Variants in GALNT17 observed in about 807,000 individuals in gnomAD.
GALNT17 encodes the protein polypeptide N-acetylgalactosaminyltransferase 17, also known as UDP-GalNAc:polypeptide N-acetylgalactosaminyltransferase-like 3.
GALNT17 carries 29 observed loss-of-function variants against 63.7 expected under a neutral mutation model. The ratio of observed to expected loss-of-function variants is 0.46; its 90% CI spans 0.34 to 0.62. GALNT17 has a LOEUF of 0.62. Among genes scored for constraint, GALNT17 ranks in the 20% least tolerant of loss-of-function variants. The pLI, the probability that GALNT17 is intolerant of heterozygous loss-of-function variation, is 0.01. For synonymous variants in GALNT17, 305 were observed against 318.3 expected, an observed-to-expected ratio of 0.96 and a Z score of 0.45; for missense variants, 603 against 799.6, an observed-to-expected ratio of 0.75 and a Z score of 2.97.
chr7:71,144,987 C>T lies in GALNT17; in HGVS notation c.238+11947C>T, dbSNP rs372479383. 1.6e-4 allele frequency among the ~76,000 whole-genome samples: 25 copies of T among 152,188 alleles called. No homozygotes were observed. In the East Asian group the frequency reaches 1.7e-3, roughly 11 times the overall value. ...TCGTGATTTGCCCACCTTGGCCTCC[C>T]AAAATGCTGGGAATACAGGTGTGAG... is the stretch of plus-strand genomic sequence containing the variant. On this transcript the variant is annotated intron_variant, in intron 1 of 10. Coordinates refer to ENST00000333538, the MANE Select transcript of GALNT17 (RefSeq NM_022479.3).
intron 4 of GALNT17, among the ~76,000 whole-genome samples, chr7:71,416,675 A>G (rs187810035): frequency 3.5e-4 from 54 of 152,220 alleles, no homozygotes; most frequent in Non-Finnish European, 7.4e-5. Context: ...ATCCTTGCAA[A>G]TGGTACAAGA....
intron 1 of GALNT17, among the ~76,000 whole-genome samples, chr7:71,328,648 ATTTTT>A (rs5884832): frequency 7.1e-6 from 1 of 140,520 alleles, no homozygotes. Flanking sequence ...AATACCAGTG[ATTTTT>A]TTTTTTTTTT....
At chr7:71,499,912 T>A (rs1334883313) in intron 5 of GALNT17, among the ~76,000 whole-genome samples, 1 of 152,224 alleles carries the variant, frequency 6.6e-6, no homozygotes, top group Non-Finnish European at 1.5e-5. Flanking sequence ...GATAGTGAGT[T>A]ATCACGAAAT....
intron 5 of GALNT17, among the ~76,000 whole-genome samples, chr7:71,455,604 G>A (rs1203941240): frequency 6.6e-6 from 1 of 151,712 alleles, no homozygotes; most frequent in African/African-American, 2.4e-5. Context: ...CGCTGTGCCA[G>A]ACCCCAGACC....
chr7:71,557,204 T>A (rs1282927203), intron 5 of GALNT17, among the ~76,000 whole-genome samples: 2 of 152,150 alleles, frequency 1.3e-5, no homozygotes, highest in Non-Finnish European at 2.9e-5. Context: ...AATTACTTTC[T>A]TTTCATTTTG....
chr7:71,387,620 C>T (rs887505028), intron 2 of GALNT17, among the ~76,000 whole-genome samples: 4 of 152,150 alleles, frequency 2.6e-5, no homozygotes, highest in Admixed American at 6.5e-5. Flanking sequence ...GGCACTGCAC[C>T]GTGTTCCGGG....
At chr7:71,367,857 G>A (rs760481729) in intron 2 of GALNT17, among the ~76,000 whole-genome samples, 2 of 152,216 alleles carry the variant, frequency 1.3e-5, no homozygotes, top group African/African-American at 2.4e-5. Flanking sequence ...TGTGGTCAAG[G>A]AAGTACCTTT....
chr7:71,571,537 G>A (rs892625062), intron 6 of GALNT17, 135 bp downstream of exon 6: 9 of 735,068 alleles, frequency 1.2e-5, no homozygotes, highest in Non-Finnish European at 2.1e-5. Context: ...TGTTCCTGGG[G>A]GATGCATGAG....
chr7:71,231,228 C>CT (rs1247678181), intron 1 of GALNT17, among the ~76,000 whole-genome samples: 1 of 149,158 alleles, frequency 6.7e-6, no homozygotes, highest in African/African-American at 2.5e-5. Flanking sequence ...GATATTTTTG[C>CT]TGTTTTTTTT....
intron 6 of GALNT17, among the ~76,000 whole-genome samples, chr7:71,617,674 G>A (rs927847635): frequency 1.3e-5 from 2 of 149,368 alleles, no homozygotes; most frequent in East Asian, 2.0e-4. Flanking sequence ...ATGGAATCTC[G>A]CTCTGTCACC....
At chr7:71,702,705 T>C (rs646628) in intron 9 of GALNT17, among the ~76,000 whole-genome samples, 148,838 of 152,260 alleles carry the variant, frequency 0.98, 72,815 homozygotes, top group Non-Finnish European at 1. Context: ...GGGAACCAGT[T>C]AGGAGGCCAT....
At chr7:71,142,998 T>C (rs892245223) in intron 1 of GALNT17, among the ~76,000 whole-genome samples, 7 of 150,748 alleles carry the variant, frequency 4.6e-5, no homozygotes, top group South Asian at 2.1e-4. Context: ...AGGCTTGAAC[T>C]GGTGCACGGT....
intron 1 of GALNT17, among the ~76,000 whole-genome samples, chr7:71,249,359 A>G (rs1370972948): frequency 6.6e-6 from 1 of 152,062 alleles, no homozygotes; most frequent in Non-Finnish European, 1.5e-5. Context: ...CATTTTACAG[A>G]TCTGTGATCT....
At chr7:71,586,789 G>A (rs529427609) in intron 6 of GALNT17, among the ~76,000 whole-genome samples, 27 of 151,638 alleles carry the variant, frequency 1.8e-4, no homozygotes, top group Admixed American at 1.4e-3. Flanking sequence ...AATTTAATAT[G>A]TTCATATAAT....
Position 71,712,203 on chromosome 7 carries a change from C to T in GALNT17, c.*57C>T. On this transcript the variant is annotated 3_prime_UTR_variant, in exon 11 of 11. Transcript: ENST00000333538. Reference sequence around the variant, plus strand: ...CCCAGGACATGGCTGCTCCCCCCAACATCTGGACCAGCTGCCCTGGCGGAG... The same window carrying T: ...CCCAGGACATGGCTGCTCCCCCCAATATCTGGACCAGCTGCCCTGGCGGAG... 2.5e-6 allele frequency: 4 copies of T among 1,577,008 alleles called. No homozygotes were observed. Among genetic ancestry groups the T allele is most frequent in the Non-Finnish European group, 3.4e-6 (4 of 1,162,132 alleles).
At chr7:71,663,016 G>GT (rs1475218147) in intron 6 of GALNT17, among the ~76,000 whole-genome samples, 45 of 152,310 alleles carry the variant, frequency 3.0e-4, no homozygotes, top group Admixed American at 8.5e-4. Flanking sequence ...GACCATAAGT[G>GT]TGAGAGTTTA....
rs1284788193 is a variant in GALNT17 at position 71,581,128 on chromosome 7, G to C, written c.1080+9726G>C. ...TAGCTGGTGGCAGGAGAGAGACCAAGCAAGGGAGGAAGGGCTAAACACTTT... is the reference window on the plus strand; with the variant it reads ...TAGCTGGTGGCAGGAGAGAGACCAACCAAGGGAGGAAGGGCTAAACACTTT... On this transcript the variant is annotated intron_variant, in intron 6 of 10. Coordinates refer to ENST00000333538, the MANE Select transcript of GALNT17 (RefSeq NM_022479.3). Among the ~76,000 whole-genome samples the C allele has an allele frequency of 4.6e-5, 7 of 152,228 alleles. No individual in the cohort carries two copies. In the East Asian group the frequency reaches 1.2e-3, roughly 25 times the overall value.
intron 2 of GALNT17, among the ~76,000 whole-genome samples, chr7:71,382,187 C>G (rs1360819698): frequency 6.6e-6 from 1 of 152,108 alleles, no homozygotes; most frequent in Non-Finnish European, 1.5e-5. Context: ...CAAGACCAGC[C>G]TGGACAACAT....
intron 1 of GALNT17, among the ~76,000 whole-genome samples, chr7:71,319,125 T>TCTTTCTTTCTTTCTTTCTTTC (rs1554352835): frequency 2.6e-5 from 4 of 151,792 alleles, no homozygotes; most frequent in Admixed American, 6.6e-5. Flanking sequence ...TTTCTTTCTT[T>TCTTTCTTTCTTTCTTTCTTTC]TTTTTGTTCT....
Sources: gnomAD v4.1 joint callset for allele counts (sites outside exome capture counted in the v4.1 genomes callset) on GRCh38, gnomAD v4.1.1 for gene constraint, MANE v1.5 for transcripts, NCBI Gene and HGNC (gene_info 2026-07-23, HGNC 2026-07-21) for gene names.